The following OR2C1 variants were observed in gnomAD, a reference collection of about 807,000 sequenced individuals.
The protein encoded by OR2C1 is olfactory receptor 2C1.
For synonymous variants in OR2C1, 209 were observed against 167.3 expected (o/e 1.25, Z -1.92); for missense variants, 468 against 388.3 (o/e 1.21, Z -1.73).
chr16:3,340,526 C>G, the OR2C1 span, among the ~76,000 whole-genome samples: 2 of 152,084 alleles, frequency 1.3e-5, no homozygotes, highest in Admixed American at 6.6e-5. Context: ...TTGCCAAATC[C>G]AAGGTCATGA....
Position 3,356,300 on chromosome 16 carries a change from T to C in OR2C1, c.360T>C (p.Phe120=). The change falls in exon 1 of 1, where the codon TTT becomes TTC. Residue 120 remains phenylalanine (F), a synonymous_variant. Coordinates refer to ENST00000304936, the MANE Select transcript of OR2C1 (RefSeq NM_012368.3). ...TECILLVVMA[F]DRYVAVCRPL... ...GCATCCTGCTGGTGGTGATGGCATT[T>C]GACCGCTACGTGGCAGTGTGCCGGC... is the stretch of plus-strand genomic sequence containing the variant. 1 of 1,613,536 alleles carries C rather than the reference T, an allele frequency of 6.2e-7. No homozygotes were observed. Among genetic ancestry groups the C allele is most frequent in the Non-Finnish European group, 8.5e-7 (1 of 1,179,970 alleles).
At chr16:3,323,565 C>G in the OR2C1 span, 1 of 752,902 alleles carries the variant, frequency 1.3e-6, no homozygotes, top group Non-Finnish European at 2.4e-6. Flanking sequence ...GTGACTTTTA[C>G]AAAGACACCA....
At chr16:3,330,916 T>C in the OR2C1 span, among the ~76,000 whole-genome samples, 1 of 143,930 alleles carries the variant, frequency 6.9e-6, no homozygotes, top group African/African-American at 2.6e-5. Flanking sequence ...TAATTTGTAA[T>C]TAAAAATTTT....
chr16:3,357,905 C>T (rs1025129539), downstream of OR2C1, among the ~76,000 whole-genome samples: 10 of 151,346 alleles, frequency 6.6e-5, no homozygotes, highest in Middle Eastern at 3.5e-3. Context: ...CGCTTGAACT[C>T]GGGAGGCAGA....
At chr16:3,330,736 TCTAG>T in the OR2C1 span, among the ~76,000 whole-genome samples, 6 of 152,170 alleles carry the variant, frequency 3.9e-5, no homozygotes, top group African/African-American at 1.2e-4. Flanking sequence ...ATTATTCTCT[TCTAG>T]CTATTTATTT....
chr16:3,349,527 C>G, the OR2C1 span, among the ~76,000 whole-genome samples: 4 of 152,280 alleles, frequency 2.6e-5, no homozygotes, highest in South Asian at 8.3e-4. Context: ...TGCCTGCCCT[C>G]TCTCCTTGAT....
chr16:3,327,783 C>T, the OR2C1 span, among the ~76,000 whole-genome samples: 2 of 152,118 alleles, frequency 1.3e-5, no homozygotes, highest in East Asian at 1.9e-4. Context: ...TTACACCAGG[C>T]ATCTCCCCAG....
the OR2C1 span, among the ~76,000 whole-genome samples, chr16:3,347,363 C>G: frequency 3.3e-5 from 5 of 151,778 alleles, no homozygotes; most frequent in African/African-American, 1.2e-4. Context: ...CCACTGCACT[C>G]CAGCCTAGGT....
the OR2C1 span, among the ~76,000 whole-genome samples, chr16:3,325,243 A>G: frequency 1.3e-5 from 2 of 151,940 alleles, no homozygotes; most frequent in African/African-American, 4.8e-5. Context: ...CAGCCTCCCA[A>G]TGTGCTGGGA....
chr16:3,330,551 A>T, the OR2C1 span, among the ~76,000 whole-genome samples: 1 of 152,176 alleles, frequency 6.6e-6, no homozygotes, highest in African/African-American at 2.4e-5. Context: ...AGTTTTACAT[A>T]GGTAACTTTT....
chr16:3,355,398 C>G (rs1005566159), upstream of OR2C1, among the ~76,000 whole-genome samples: 1 of 137,542 alleles, frequency 7.3e-6, no homozygotes, highest in Non-Finnish European at 1.5e-5. Flanking sequence ...GCGGAAGTTG[C>G]AATGAGCCGA....
the OR2C1 span, chr16:3,323,981 A>G: frequency 1.9e-6 from 1 of 532,568 alleles, no homozygotes; most frequent in East Asian, 2.9e-5. Context: ...ACCAATAGGT[A>G]TACTTCCAAC....
chr16:3,339,009 C>G, the OR2C1 span, among the ~76,000 whole-genome samples: 1 of 152,100 alleles, frequency 6.6e-6, no homozygotes, highest in Non-Finnish European at 1.5e-5. Flanking sequence ...TAATTAACTC[C>G]CTGTTTTCCC....
At chr16:3,336,679 T>TC in the OR2C1 span, among the ~76,000 whole-genome samples, 1 of 143,818 alleles carries the variant, frequency 7.0e-6, no homozygotes, top group Admixed American at 7.1e-5. Flanking sequence ...TTTTTCTTTT[T>TC]TTTTTTTTCT....
chr16:3,332,359 G>A, the OR2C1 span, among the ~76,000 whole-genome samples: 1 of 151,960 alleles, frequency 6.6e-6, no homozygotes, highest in Non-Finnish European at 1.5e-5. Flanking sequence ...GCCTCCCAAA[G>A]CGCTGGGATT....
chr16:3,326,806 A>G, the OR2C1 span, among the ~76,000 whole-genome samples: 24 of 152,298 alleles, frequency 1.6e-4, no homozygotes, highest in African/African-American at 4.6e-4. Flanking sequence ...GCTGTTCACA[A>G]TCTTCTTGAA....
At chr16:3,334,850 C>T in the OR2C1 span, among the ~76,000 whole-genome samples, 6 of 151,020 alleles carry the variant, frequency 4.0e-5, no homozygotes, top group Middle Eastern at 3.2e-3. Context: ...CAGAGTCTCA[C>T]TCTTGTTGCC....
At chr16:3,345,938 A>T in the OR2C1 span, among the ~76,000 whole-genome samples, 1 of 150,190 alleles carries the variant, frequency 6.7e-6, no homozygotes, top group African/African-American at 2.5e-5. Flanking sequence ...GGCTCAAGTG[A>T]TCCTCCTGCC....
chr16:3,354,335 A>T (rs2030625439), upstream of OR2C1, among the ~76,000 whole-genome samples: 1 of 152,198 alleles, frequency 6.6e-6, no homozygotes, highest in African/African-American at 2.4e-5. Flanking sequence ...CACAGTAGTT[A>T]TATACCTCAA....
Sources: gnomAD v4.1 joint callset for allele counts (sites outside exome capture counted in the v4.1 genomes callset) on GRCh38, gnomAD v4.1.1 for gene constraint, MANE v1.5 for transcripts, NCBI Gene and HGNC (gene_info 2026-07-23, HGNC 2026-07-21) for gene names.